Variants in ANK2 observed in about 807,000 individuals in gnomAD.
The protein encoded by ANK2 is ankyrin-2.
ANK2 carries 83 observed loss-of-function variants against 360.5 expected under a neutral mutation model. The observed-to-expected ratio is 0.23, with a 90% CI of 0.19 to 0.28. ANK2 has a LOEUF of 0.28. Ranked by LOEUF, ANK2 falls within the 10% of genes least tolerant of loss-of-function variation. ANK2 has a pLI of 1.00. For synonymous variants in ANK2, 1,740 were observed against 1,759.5 expected (o/e 0.99, Z 0.28); for missense variants, 4,201 against 4,795.7 (o/e 0.88, Z 3.66).
At position 113,353,614 on chromosome 4, in the gene ANK2, T is replaced by C. The variant is rs1206234510; in HGVS notation, c.4996T>C (p.Cys1666Arg). The C allele has an allele frequency of 6.2e-7, 1 of 1,613,682 alleles. No individual in the cohort carries two copies. Among genetic ancestry groups the C allele is most frequent in the Non-Finnish European group, 8.5e-7 (1 of 1,179,940 alleles). The change falls in exon 38 of 46, where the codon TGT becomes CGT. Residue 1666 changes from cysteine to arginine, a missense_variant. Transcript: ENST00000357077. Reference sequence around the variant, plus strand: ...AGTTCAAGATAAGGCAGGGAAGAAATGTGAGGCTCTGGCTGTTGGCAGGAG... The same window carrying C: ...AGTTCAAGATAAGGCAGGGAAGAAACGTGAGGCTCTGGCTGTTGGCAGGAG... ...QTVQDKAGKKCEALAVGRSSE... is the reference protein window; with the variant it reads ...QTVQDKAGKKREALAVGRSSE...
chr4:113,146,438 C>A (rs1268421060), intron 1 of ANK2, among the ~76,000 whole-genome samples: 2 of 152,266 alleles, frequency 1.3e-5, no homozygotes, highest in Middle Eastern at 3.4e-3. Flanking sequence ...CCCTTAGTAT[C>A]CCAGCTCCAG....
the ANK2 span, among the ~76,000 whole-genome samples, chr4:112,719,692 ACTCCAGCCTGGG>A: frequency 6.8e-6 from 1 of 147,224 alleles, no homozygotes; most frequent in East Asian, 2.0e-4. Flanking sequence ...CGCCGATTAC[ACTCCAGCCTGGG>A]CGACAGAGCG....
At chr4:113,174,968 T>A (rs774727076) in intron 2 of ANK2, among the ~76,000 whole-genome samples, 17 of 152,198 alleles carry the variant, frequency 1.1e-4, no homozygotes, top group Non-Finnish European at 2.2e-4. Context: ...ATGAGAATAA[T>A]TTGAAATTAT....
intron 1 of ANK2, among the ~76,000 whole-genome samples, chr4:112,878,774 A>G (rs1267625082): frequency 6.6e-6 from 1 of 152,140 alleles, no homozygotes; most frequent in Non-Finnish European, 1.5e-5. Context: ...AGCTGGGACT[A>G]CAGGCTCCCG....
chr4:112,985,380 C>A (rs1290122343), intron 2 of ANK2, among the ~76,000 whole-genome samples: 5 of 152,198 alleles, frequency 3.3e-5, no homozygotes, highest in Non-Finnish European at 1.5e-5. Context: ...TTCCCCACTT[C>A]GCTCATTTCT....
chr4:112,805,428 GATC>G, the ANK2 span, among the ~76,000 whole-genome samples: 2 of 152,136 alleles, frequency 1.3e-5, no homozygotes, highest in African/African-American at 4.8e-5. Context: ...TCAGTCAACA[GATC>G]ATTTTTTGTG....
the ANK2 span, among the ~76,000 whole-genome samples, chr4:112,736,099 A>G: frequency 2.0e-5 from 3 of 152,192 alleles, no homozygotes; most frequent in East Asian, 3.8e-4. Flanking sequence ...TTAAATCACT[A>G]TATTTTTATA....
chr4:113,102,979 A>G (rs1308472635), intron 1 of ANK2, among the ~76,000 whole-genome samples: 1 of 152,182 alleles, frequency 6.6e-6, no homozygotes, highest in African/African-American at 2.4e-5. Context: ...AAACAGGACA[A>G]AAGTTAATGC....
chr4:112,822,473 A>G (rs1292349667), intron 1 of ANK2, among the ~76,000 whole-genome samples: 18 of 151,646 alleles, frequency 1.2e-4, no homozygotes, highest in Admixed American at 5.9e-4. Context: ...GGCTGGGCAT[A>G]GTAGCTCATG....
At chr4:113,249,150 G>T (rs1184160204) in intron 9 of ANK2, among the ~76,000 whole-genome samples, 1 of 152,116 alleles carries the variant, frequency 6.6e-6, no homozygotes, top group Non-Finnish European at 1.5e-5. Flanking sequence ...GTTCATCTTT[G>T]GGAAGCAATT....
chr4:113,101,618 T>A (rs2092847143), intron 1 of ANK2, among the ~76,000 whole-genome samples: 1 of 152,136 alleles, frequency 6.6e-6, no homozygotes, highest in Admixed American at 6.6e-5. Context: ...CAGTTAATGT[T>A]TTTTGGCACC....
intron 4 of ANK2, among the ~76,000 whole-genome samples, chr4:113,225,502 C>T (rs1449551836): frequency 6.6e-6 from 1 of 151,984 alleles, no homozygotes; most frequent in Non-Finnish European, 1.5e-5. Context: ...AATGATGAAT[C>T]TTCACTTGTG....
chr4:113,294,894 T>C (rs1237474570), intron 22 of ANK2, among the ~76,000 whole-genome samples: 3 of 152,212 alleles, frequency 2.0e-5, no homozygotes, highest in African/African-American at 7.2e-5. Flanking sequence ...AGGAAAATCT[T>C]CATATTAAGG....
intron 4 of ANK2, among the ~76,000 whole-genome samples, chr4:113,201,343 A>G (rs1484902326): frequency 6.6e-6 from 1 of 152,022 alleles, no homozygotes; most frequent in African/African-American, 2.4e-5. Flanking sequence ...TCAGTTCTGG[A>G]GTGGAGCTGG....
chr4:112,965,901 TTTATA>T (rs1347957065), intron 2 of ANK2, among the ~76,000 whole-genome samples: 5 of 151,932 alleles, frequency 3.3e-5, no homozygotes, highest in Admixed American at 6.6e-5. Context: ...TTTTATGTAT[TTTATA>T]TTATAAGAAT....
At chr4:113,112,539 A>G (rs1160144706) in intron 1 of ANK2, among the ~76,000 whole-genome samples, 1 of 152,148 alleles carries the variant, frequency 6.6e-6, no homozygotes, top group Non-Finnish European at 1.5e-5. Flanking sequence ...TGCTGCCTGT[A>G]ATCCCCAGAC....
chr4:112,932,491 CAAAAAAA>C (rs750709290), intron 2 of ANK2, among the ~76,000 whole-genome samples: 1 of 54,618 alleles, frequency 1.8e-5, no homozygotes, highest in African/African-American at 6.5e-5. Flanking sequence ...GACTCCGTCT[CAAAAAAA>C]AAAAAAAAAA....
intron 2 of ANK2, among the ~76,000 whole-genome samples, chr4:112,995,419 A>G (rs12503954): frequency 0.62 from 94,814 of 152,008 alleles, 30,976 homozygotes; most frequent in Admixed American, 0.73. Flanking sequence ...AAGTGTATTC[A>G]TGTCCTTTAC....
intron 1 of ANK2, among the ~76,000 whole-genome samples, chr4:112,896,468 C>G (rs1463120248): frequency 1.3e-5 from 2 of 151,936 alleles, no homozygotes; most frequent in African/African-American, 4.8e-5. Flanking sequence ...CCATTTTTAC[C>G]AGAACAAAAA....
Sources: gnomAD v4.1 joint callset for allele counts (sites outside exome capture counted in the v4.1 genomes callset) on GRCh38, gnomAD v4.1.1 for gene constraint, MANE v1.5 for transcripts, NCBI Gene and HGNC (gene_info 2026-07-23, HGNC 2026-07-21) for gene names.